MGAT4C: variants seen among roughly 807,000 people sequenced by gnomAD.
MGAT4C encodes MGAT4 family member C, also known as alpha-1,3-mannosyl-glycoprotein 4-beta-N-acetylglucosaminyltransferase C.
A neutral mutation model predicts 40.1 loss-of-function variants in MGAT4C; 19 were observed. The ratio of observed to expected loss-of-function variants is 0.47; its 90% CI spans 0.33 to 0.70. MGAT4C has a LOEUF of 0.70. Ranked by LOEUF, MGAT4C falls within the 30% of genes least tolerant of loss-of-function variation. MGAT4C has a pLI of 0.02. For synonymous variants in MGAT4C, 181 were observed against 187.1 expected (o/e 0.97, Z 0.27); for missense variants, 491 against 563.2 (o/e 0.87, Z 1.30).
chr12:86,596,194 C>T (rs552295972), intron 2 of MGAT4C, among the ~76,000 whole-genome samples: 44 of 106,344 alleles, frequency 4.1e-4, no homozygotes, highest in African/African-American at 1.3e-3. Flanking sequence ...AATAAAATCA[C>T]GGATTAAAAT....
intron 2 of MGAT4C, among the ~76,000 whole-genome samples, chr12:86,009,248 A>G (rs1253119770): frequency 6.6e-6 from 1 of 152,178 alleles, no homozygotes; most frequent in Non-Finnish European, 1.5e-5. Flanking sequence ...AGAAATAAGA[A>G]TTACTCTTCT....
chr12:86,820,322 T>C lies in MGAT4C; in HGVS notation c.-262+18344A>G, dbSNP rs1952683705. On this transcript the variant is annotated intron_variant, in intron 1 of 7. Transcript: ENST00000548651. ...GTTGGTGGGAAGACCCCATTTATAATGGTTTTTCAGTGACTCAGTATGACA... is the reference window on the plus strand; with the variant it reads ...GTTGGTGGGAAGACCCCATTTATAACGGTTTTTCAGTGACTCAGTATGACA... Among the ~76,000 whole-genome samples the C allele has an allele frequency of 3.3e-5, 5 of 150,868 alleles. No homozygotes were observed. The Admixed American group carries it at 3.3e-4, about 10-fold the overall frequency.
At chr12:86,662,366 T>C (rs374944984) in intron 2 of MGAT4C, among the ~76,000 whole-genome samples, 12 of 152,216 alleles carry the variant, frequency 7.9e-5, no homozygotes, top group African/African-American at 2.9e-4. Context: ...TATGTGTTTA[T>C]TATCTATTTA....
At chr12:86,098,481 G>A (rs2135589755) in intron 1 of MGAT4C, among the ~76,000 whole-genome samples, 1 of 151,652 alleles carries the variant, frequency 6.6e-6, no homozygotes, top group South Asian at 2.1e-4. Context: ...TCATATATTG[G>A]CTTCTTTTTG....
At chr12:86,225,986 AAAG>A (rs1467213108) in intron 1 of MGAT4C, among the ~76,000 whole-genome samples, 16 of 152,194 alleles carry the variant, frequency 1.1e-4, no homozygotes, top group East Asian at 7.7e-4. Context: ...CCAAATTGGA[AAAG>A]AAGAAGTCAA....
At chr12:86,786,963 C>A (rs1362262689) in intron 1 of MGAT4C, among the ~76,000 whole-genome samples, 1 of 151,868 alleles carries the variant, frequency 6.6e-6, no homozygotes, top group Non-Finnish European at 1.5e-5. Context: ...TGATTATGCC[C>A]CTCAATTGTA....
intron 2 of MGAT4C, among the ~76,000 whole-genome samples, chr12:86,636,315 T>C (rs1593067256): frequency 1.3e-5 from 2 of 152,096 alleles, no homozygotes; most frequent in Non-Finnish European, 2.9e-5. Flanking sequence ...TTTAAAATTA[T>C]AAACCTTCCA....
intron 1 of MGAT4C, among the ~76,000 whole-genome samples, chr12:86,243,458 C>A (rs1951874600): frequency 6.6e-6 from 1 of 152,094 alleles, no homozygotes; most frequent in South Asian, 2.1e-4. Context: ...TGACTTACAG[C>A]CAATAGAATA....
intron 2 of MGAT4C, among the ~76,000 whole-genome samples, chr12:86,457,574 G>C (rs1304822095): frequency 6.6e-6 from 1 of 152,010 alleles, no homozygotes; most frequent in Non-Finnish European, 1.5e-5. Flanking sequence ...ATATATGCTG[G>C]AGACTTTTTC....
rs1204382827 is a variant in MGAT4C, at chr12:85,976,479, G to C, written c.*2810C>G. 2 of 150,490 alleles carry C rather than the reference G, an allele frequency of 1.3e-5. No individual in the cohort carries two copies. Among genetic ancestry groups the C allele is most frequent in the East Asian group, 3.9e-4 (2 of 5,178 alleles). 9.3% of individuals were successfully genotyped at this position (150,490 alleles called of 1,614,324 possible). A position where few individuals can be genotyped will look rare whatever the true frequency, so the allele number is the denominator to read the frequency against. On this transcript the variant is annotated 3_prime_UTR_variant, in exon 5 of 5. Transcript: ENST00000611864. Reference sequence around the variant, plus strand: ...CCCCTAAGGAGAATTTTAAGACTAAGTAAGGTTTTTAGTGAGCTTAAATTA... The same window carrying C: ...CCCCTAAGGAGAATTTTAAGACTAACTAAGGTTTTTAGTGAGCTTAAATTA...
At chr12:86,645,054 C>A (rs1963499460) in intron 2 of MGAT4C, among the ~76,000 whole-genome samples, 1 of 151,344 alleles carries the variant, frequency 6.6e-6, no homozygotes, top group Non-Finnish European at 1.5e-5. Flanking sequence ...CATATGTGAT[C>A]TCATATATAT....
intron 1 of MGAT4C, among the ~76,000 whole-genome samples, chr12:86,083,965 T>A (rs1010589582): frequency 3.3e-5 from 5 of 151,886 alleles, no homozygotes; most frequent in Non-Finnish European, 7.4e-5. Flanking sequence ...GAGGTGTAGC[T>A]CTCCCATGGA....
upstream of MGAT4C, among the ~76,000 whole-genome samples, chr12:86,260,323 G>T (rs1474065650): frequency 3.3e-5 from 5 of 152,140 alleles, no homozygotes; most frequent in African/African-American, 1.2e-4. Context: ...GTCCCTTAAA[G>T]TACTGTCTTA....
At chr12:86,566,913 C>T (rs1960153221) in intron 2 of MGAT4C, among the ~76,000 whole-genome samples, 1 of 151,830 alleles carries the variant, frequency 6.6e-6, no homozygotes, top group Non-Finnish European at 1.5e-5. Context: ...AGCATTGACT[C>T]TGACCAAAGC....
chr12:86,545,749 T>G (rs1311548165), intron 2 of MGAT4C, among the ~76,000 whole-genome samples: 2 of 151,584 alleles, frequency 1.3e-5, no homozygotes, highest in Non-Finnish European at 3.0e-5. Context: ...CTCGGCTTGA[T>G]AGAAGGGAAT....
In MGAT4C at chr12:86,651,392, C is replaced by T. The variant is rs150738683; in HGVS notation, c.-229+75817G>A. ...AGCAAGTGATATAAATTTTAAAATC[C>T]AACAATTTAAGTTTCAAATTAGAAG... is the stretch of plus-strand genomic sequence containing the variant. On this transcript the variant is annotated intron_variant, in intron 2 of 7. Transcript: ENST00000548651. Among the ~76,000 whole-genome samples, 469 of 151,736 alleles carry T rather than the reference C, an allele frequency of 3.1e-3. 2 individuals are homozygous for T. The highest frequency in any genetic ancestry group is 0.011 in the African/African-American group (448 of 41,456).
chr12:86,023,557 A>G (rs1023456250), intron 2 of MGAT4C, among the ~76,000 whole-genome samples: 6 of 149,734 alleles, frequency 4.0e-5, no homozygotes, highest in African/African-American at 1.5e-4. Flanking sequence ...TGTAACTTCA[A>G]ATTTTGTAGA....
intron 4 of MGAT4C, among the ~76,000 whole-genome samples, chr12:86,298,179 T>C (rs1953726188): frequency 6.6e-6 from 1 of 152,118 alleles, no homozygotes; most frequent in African/African-American, 2.4e-5. Flanking sequence ...ATCAAAATAA[T>C]GATTTCTATT....
intron 2 of MGAT4C, among the ~76,000 whole-genome samples, chr12:86,575,169 T>C (rs1960512192): frequency 6.6e-6 from 1 of 151,734 alleles, no homozygotes; most frequent in African/African-American, 2.4e-5. Context: ...CTTGCCCTTC[T>C]TCAAAATTAT....
Sources: allele counts gnomAD v4.1 joint callset (sites outside exome capture counted in the v4.1 genomes callset), GRCh38; gene constraint gnomAD v4.1.1; transcripts MANE v1.5; gene names NCBI Gene and HGNC (gene_info 2026-07-23, HGNC 2026-07-21).